Variants in EFR3A observed in about 807,000 individuals in gnomAD.
The protein encoded by EFR3A is EFR3 homolog A, also known as protein EFR3 homolog A.
Under a neutral mutation model 104.4 loss-of-function variants are expected in EFR3A, and 76 were observed. The ratio of observed to expected loss-of-function variants is 0.73; its 90% CI spans 0.60 to 0.88. The LOEUF is 0.88. EFR3A is among the 40% of genes least tolerant of loss of function. EFR3A has a pLI of 0.00. For synonymous variants in EFR3A, 330 were observed against 330.0 expected, an observed-to-expected ratio of 1.00 and a Z score of 0.00; for missense variants, 985 against 1,012.5, an observed-to-expected ratio of 0.97 and a Z score of 0.37.
intron 2 of EFR3A, among the ~76,000 whole-genome samples, chr8:131,944,106 A>G (rs963227994): frequency 2.6e-5 from 4 of 152,032 alleles, no homozygotes; most frequent in Admixed American, 2.0e-4. Context: ...CCTAAGCAAC[A>G]CTTACTTGGG....
At chr8:131,996,716 C>T (rs1821510117) in intron 19 of EFR3A, among the ~76,000 whole-genome samples, 1 of 151,978 alleles carries the variant, frequency 6.6e-6, no homozygotes, top group African/African-American at 2.4e-5. Flanking sequence ...ATAAACCTAA[C>T]ATTATATGTT....
rs528393636 is a variant in EFR3A at position 132,008,419 on chromosome 8, T to TCG, written c.2361-2370_2361-2369insGC. Reference sequence around the variant, plus strand: ...ATGTGAATGTTTATGACAGTTTTATTCATAGTTGCCAAATGTCCATTAGCA... The same window carrying TCG: ...ATGTGAATGTTTATGACAGTTTTATTCGCATAGTTGCCAAATGTCCATTAGCA... On this transcript the variant is annotated intron_variant, in intron 22 of 22. Coordinates refer to ENST00000254624, the MANE Select transcript of EFR3A (RefSeq NM_015137.6). Among the ~76,000 whole-genome samples, 1,019 of 152,202 alleles carry TCG rather than the reference T, an allele frequency of 6.7e-3. 4 individuals carry two copies. Among genetic ancestry groups the TCG allele is most frequent in the Middle Eastern group, 0.017 (5 of 294 alleles).
chr8:131,962,393 C>T (rs1207942817), intron 8 of EFR3A, among the ~76,000 whole-genome samples: 1 of 151,874 alleles, frequency 6.6e-6, no homozygotes, highest in African/African-American at 2.4e-5. Flanking sequence ...AAACAAAAAA[C>T]GGCAGGTGTT....
intron 18 of EFR3A, among the ~76,000 whole-genome samples, chr8:131,991,192 G>T (rs1186773070): frequency 6.6e-6 from 1 of 152,198 alleles, no homozygotes; most frequent in African/African-American, 2.4e-5. Flanking sequence ...CTGATAAACC[G>T]ATCAGATCTC....
Position 132,010,911 on chromosome 8 carries a change from C to T in EFR3A, c.*16C>T, listed in dbSNP as rs747535172. On this transcript the variant is annotated 3_prime_UTR_variant, in exon 23 of 23. Coordinates refer to ENST00000254624, the MANE Select transcript of EFR3A (RefSeq NM_015137.6). ...TGTGTACTGATCGGCGCATGAAGAC[C>T]TCAGGATATGATTTGTAAAGCCTAA... 1.3e-6 allele frequency: 2 copies of T among 1,578,556 alleles called. No homozygotes were observed. Among genetic ancestry groups the T allele is most frequent in the African/African-American group, 2.7e-5 (2 of 74,530 alleles).
intron 1 of EFR3A, among the ~76,000 whole-genome samples, chr8:131,927,343 A>G (rs761552089): frequency 6.6e-6 from 1 of 152,056 alleles, no homozygotes; most frequent in Non-Finnish European, 1.5e-5. Context: ...AACATTGCCT[A>G]TTTGCTCAGT....
In EFR3A at chr8:131,996,466, T is replaced by G; in HGVS notation, c.2126T>G (p.Ile709Ser). ...GACACCGTATCCATTCAGGTGGATA[T>G]TTTATCCAACAATGTTCCTTCTGAT... is the stretch of plus-strand genomic sequence containing the variant. The part of the protein sequence containing the change: ...IVDTVSIQVD[I>S]LSNNVPSDDV... The change falls in exon 19 of 23, where the codon ATT becomes AGT. Residue 709 changes from isoleucine to serine, a missense_variant. Coordinates refer to ENST00000254624, the MANE Select transcript of EFR3A (RefSeq NM_015137.6). The G allele has an allele frequency of 6.2e-7, 1 of 1,602,276 alleles. No homozygotes were observed. Among genetic ancestry groups the G allele is most frequent in the South Asian group, 1.1e-5 (1 of 87,974 alleles).
intron 1 of EFR3A, among the ~76,000 whole-genome samples, chr8:131,930,288 C>A (rs924857467): frequency 6.6e-6 from 1 of 151,856 alleles, no homozygotes; most frequent in Non-Finnish European, 1.5e-5. Context: ...TCCAGACTGA[C>A]GAGTAAAATA....
rs771972805 is a variant in EFR3A at position 131,940,525 on chromosome 8, C to T, written c.37C>T (p.Arg13Cys). 2.7e-5 allele frequency: 44 copies of T among 1,605,386 alleles called. No homozygotes were observed. The highest frequency in any genetic ancestry group is 2.2e-4 in the East Asian group (10 of 44,564). The part of the protein sequence containing the change: ...TRVCCCCSAL[R>C]PRYKRLVDNI... ...AGTATGCTGCTGCTGTTCCGCTTTG[C>T]GTCCTCGCTACAAACGCCTGGTGGA... The change falls in exon 2 of 23, where the codon CGT (arginine) becomes TGT (cysteine). Residue 13 changes from arginine to cysteine, a missense_variant. Physicochemically the swap from Arg to Cys is radical, Grantham distance 180. Transcript: ENST00000254624.
At chr8:131,935,772 G>T (rs958050114) in intron 1 of EFR3A, among the ~76,000 whole-genome samples, 1 of 151,956 alleles carries the variant, frequency 6.6e-6, no homozygotes, top group Non-Finnish European at 1.5e-5. Context: ...GTGGCATGGT[G>T]GCAGTTAGTG....
chr8:131,923,433 C>T (rs1296813611), intron 1 of EFR3A, among the ~76,000 whole-genome samples: 2 of 149,518 alleles, frequency 1.3e-5, no homozygotes, highest in African/African-American at 4.9e-5. Context: ...CTCATTCTTT[C>T]TAATGTGTTC....
intron 2 of EFR3A, 53 bp downstream of exon 2, chr8:131,940,628 C>G: frequency 1.9e-6 from 3 of 1,562,138 alleles, no homozygotes; most frequent in South Asian, 1.2e-5. Flanking sequence ...ATTCTGCCCC[C>G]CGCTGACCTC....
At chr8:131,963,248 C>G (rs1297681110) in intron 8 of EFR3A, among the ~76,000 whole-genome samples, 1 of 152,036 alleles carries the variant, frequency 6.6e-6, no homozygotes, top group African/African-American at 2.4e-5. Flanking sequence ...GATAGAGACA[C>G]AAAAAACCCT....
chr8:131,996,662 ATAATT>A (rs1265035362), intron 19 of EFR3A, among the ~76,000 whole-genome samples, 165 bp downstream of exon 19: 2 of 152,128 alleles, frequency 1.3e-5, no homozygotes, highest in Non-Finnish European at 2.9e-5. Context: ...GAATTTATTT[ATAATT>A]TATTTTACTG....
At chr8:131,984,859 G>A (rs1820797030) in intron 15 of EFR3A, 70 bp from the exon 16 acceptor site, 1 of 1,400,678 alleles carries the variant, frequency 7.1e-7, no homozygotes, top group Non-Finnish European at 9.6e-7. Context: ...CAGTTTTCCA[G>A]TGTAATCAGA....
chr8:131,997,369 C>G (rs756150481), intron 19 of EFR3A, among the ~76,000 whole-genome samples: 2 of 152,010 alleles, frequency 1.3e-5, no homozygotes, highest in African/African-American at 4.8e-5. Context: ...CCTCCTACCC[C>G]CTTACAATTC....
At chr8:131,976,189 A>T (rs114761472) in intron 11 of EFR3A, 48 bp downstream of exon 11, 1 of 1,191,542 alleles carries the variant, frequency 8.4e-7, no homozygotes, top group Non-Finnish European at 1.2e-6. Context: ...GTTACATTTT[A>T]TCCTAACGAA....
chr8:131,955,957 G>A (rs1322276683), intron 7 of EFR3A, 52 bp downstream of exon 7: 4 of 1,595,576 alleles, frequency 2.5e-6, no homozygotes, highest in African/African-American at 1.3e-5. Flanking sequence ...TATTAATTCT[G>A]TGTTAACTTA....
intron 1 of EFR3A, among the ~76,000 whole-genome samples, chr8:131,929,171 T>C (rs1020372119): frequency 2.0e-5 from 3 of 152,198 alleles, no homozygotes; most frequent in Non-Finnish European, 2.9e-5. Context: ...CTCTTCTTGA[T>C]ATCCTCCTTT....
Sources: gnomAD v4.1 joint callset for allele counts (sites outside exome capture counted in the v4.1 genomes callset) on GRCh38, gnomAD v4.1.1 for gene constraint, MANE v1.5 for transcripts, NCBI Gene and HGNC (gene_info 2026-07-23, HGNC 2026-07-21) for gene names.